Variants in CYBRD1 observed in about 807,000 individuals in gnomAD.
CYBRD1 encodes the protein plasma membrane ascorbate-dependent reductase CYBRD1.
In CYBRD1, 14 loss-of-function variants were observed where a neutral mutation model predicts 21.9. The observed-to-expected ratio is 0.64, with a 90% CI of 0.42 to 1.00. The LOEUF (loss-of-function observed/expected upper bound fraction) is 1.00, where lower values mean the gene tolerates loss of function less well. Among genes scored for constraint, CYBRD1 ranks in the 50% least tolerant of loss-of-function variants. The pLI is 0.00. For missense variants in CYBRD1, 328 were observed against 352.5 expected (o/e 0.93, Z 0.56); for synonymous variants, 146 against 136.5 (o/e 1.07, Z -0.48).
At position 171,522,659 on chromosome 2, in the gene CYBRD1, T is replaced by G; in HGVS notation, c.114T>G (p.Leu38=). ...GGGTCCTCCACTACCGAGAGGGGCTTGGCTGGGATGGGAGCGCACTAGAGT... is the reference window on the plus strand; with the variant it reads ...GGGTCCTCCACTACCGAGAGGGGCTGGGCTGGGATGGGAGCGCACTAGAGT... ...LVWVLHYREG[L]GWDGSALEFN... is the part of the protein sequence containing the mutation. The change falls in exon 1 of 4, where the codon CTT becomes CTG. Residue 38 remains leucine, a synonymous_variant. Coordinates refer to ENST00000321348, the MANE Select transcript of CYBRD1 (RefSeq NM_024843.4). This position sits in a 1 kb window ranked among gnomAD's most constrained non-coding sequence, Gnocchi z 4.3. 1 of 1,613,240 alleles carries G rather than the reference T, an allele frequency of 6.2e-7. No homozygotes were observed.
chr2:171,542,512 C>T (rs1273457389), intron 2 of CYBRD1, among the ~76,000 whole-genome samples: 1 of 151,494 alleles, frequency 6.6e-6, no homozygotes, highest in Admixed American at 6.6e-5. Flanking sequence ...AGAGAGAGAT[C>T]GAGAGAGAGA....
At chr2:171,523,667 T>G (rs894542517) in intron 1 of CYBRD1, among the ~76,000 whole-genome samples, 2 of 152,142 alleles carry the variant, frequency 1.3e-5, no homozygotes, top group Non-Finnish European at 2.9e-5. Context: ...TTCTCTGGGC[T>G]GAGGCTGGCG....
rs145904932 is a variant in CYBRD1, at chr2:171,544,850, C to T, written c.402+3057C>T. Among the ~76,000 whole-genome samples the T allele has an allele frequency of 1.1e-3, 161 of 152,200 alleles. 1 individual carries two copies. Among genetic ancestry groups the T allele is most frequent in the African/African-American group, 3.8e-3 (156 of 41,528 alleles). ...GAGAAGTAGAGAGAAAAATCTTTGA[C>T]TTTTGGGGCCAGGCACAGTGGCTCA... is the stretch of plus-strand genomic sequence containing the variant. On this transcript the variant is annotated intron_variant, in intron 2 of 3. Coordinates refer to ENST00000321348, the MANE Select transcript of CYBRD1 (RefSeq NM_024843.4).
At chr2:171,548,312 A>G (rs1697748110) in intron 2 of CYBRD1, among the ~76,000 whole-genome samples, 1 of 152,180 alleles carries the variant, frequency 6.6e-6, no homozygotes, top group African/African-American at 2.4e-5. Flanking sequence ...GGGCCCAACA[A>G]TCTGTGCTTT....
At chr2:171,542,303 T>C (rs1175803227) in intron 2 of CYBRD1, among the ~76,000 whole-genome samples, 1 of 152,214 alleles carries the variant, frequency 6.6e-6, no homozygotes, top group Non-Finnish European at 1.5e-5. Flanking sequence ...ACTTTTAATC[T>C]GGATTCTCTA....
At position 171,526,785 on chromosome 2, in the gene CYBRD1, T is replaced by C. The variant is rs544286807; in HGVS notation, c.193+4047T>C. Among the ~76,000 whole-genome samples, 125 of 152,310 alleles carry C rather than the reference T, an allele frequency of 8.2e-4. 2 individuals carry two copies. Among genetic ancestry groups the C allele is most frequent in the South Asian group, 5.8e-3 (28 of 4,828 alleles). ...GTGGAATGTGTTCTTTAGTGAAAGG[T>C]AGAAAATTCGGGTGTCTACATTTAG... On this transcript the variant is annotated intron_variant, in intron 1 of 3. Coordinates refer to ENST00000321348, the MANE Select transcript of CYBRD1 (RefSeq NM_024843.4).
At chr2:171,541,490 T>A in intron 1 of CYBRD1, 95 bp from the exon 2 acceptor site, 1 of 1,253,010 alleles carries the variant, frequency 8.0e-7, no homozygotes, top group Non-Finnish European at 1.2e-6. Context: ...GGAAAAAGGT[T>A]TCAAAAAGGG....
Position 171,522,860 on chromosome 2 carries a change from G to C in CYBRD1, c.193+122G>C, listed in dbSNP as rs1697328875. ...GGAGGATCGCGGGGCCCGGAGGAGTGCGGTGAGGAGCGCGCGGGAAGCCAA... is the reference window on the plus strand; with the variant it reads ...GGAGGATCGCGGGGCCCGGAGGAGTCCGGTGAGGAGCGCGCGGGAAGCCAA... On this transcript the variant is annotated intron_variant, in intron 1 of 3. Coordinates refer to ENST00000321348, the MANE Select transcript of CYBRD1 (RefSeq NM_024843.4). The surrounding 1 kb of genome is among the most constrained non-coding windows in gnomAD (Gnocchi z 4.3). The C allele has an allele frequency of 6.8e-7, 1 of 1,468,434 alleles. No homozygotes were observed. The highest frequency in any genetic ancestry group is 1.3e-5 in the South Asian group (1 of 76,752). The allele number at this position is 1,468,434 out of a possible 1,614,324, so 91.0% of individuals were successfully genotyped here.
intron 1 of CYBRD1, among the ~76,000 whole-genome samples, chr2:171,539,439 G>T (rs77090633): frequency 7.2e-4 from 110 of 152,214 alleles, no homozygotes; most frequent in African/African-American, 2.4e-3. Context: ...AGCTGTGATC[G>T]CAACACTACA....
At chr2:171,547,277 G>C (rs1316115959) in intron 2 of CYBRD1, among the ~76,000 whole-genome samples, 1 of 152,100 alleles carries the variant, frequency 6.6e-6, no homozygotes, top group East Asian at 1.9e-4. Context: ...GCAATTTCCT[G>C]GCTTCCTTCC....
In CYBRD1 at chr2:171,557,151, T is replaced by A. The variant is rs1683503449; in HGVS notation, c.*2324T>A. The stretch of plus-strand genomic sequence containing the variant: ...GAAAACAACGTATATAAAATATATC[T>A]AGAAAACCTTTGTTTGAGACTCTTA... On this transcript the variant is annotated 3_prime_UTR_variant, in exon 4 of 4. Transcript: ENST00000321348. 1 of 152,608 alleles carries A rather than the reference T, an allele frequency of 6.6e-6. No homozygotes were observed. The highest frequency in any genetic ancestry group is 2.4e-5 in the African/African-American group (1 of 41,448). 9.5% of individuals were successfully genotyped at this position (152,608 alleles called of 1,614,324 possible).
At chr2:171,548,233 C>T (rs1278967749) in intron 2 of CYBRD1, among the ~76,000 whole-genome samples, 1 of 152,070 alleles carries the variant, frequency 6.6e-6, no homozygotes, top group Non-Finnish European at 1.5e-5. Flanking sequence ...GCATTAGCAT[C>T]ACTAGGGAAA....
chr2:171,530,700 A>G (rs1052754805), intron 1 of CYBRD1, among the ~76,000 whole-genome samples: 2 of 152,192 alleles, frequency 1.3e-5, no homozygotes, highest in African/African-American at 4.8e-5. Flanking sequence ...GTTCAAACAA[A>G]AAGTAAACCA....
chr2:171,547,376 G>A (rs893004119), intron 2 of CYBRD1, among the ~76,000 whole-genome samples: 2 of 151,930 alleles, frequency 1.3e-5, no homozygotes, highest in Non-Finnish European at 2.9e-5. Context: ...TGAGAGGGGA[G>A]GAGACAGAGA....
intron 1 of CYBRD1, among the ~76,000 whole-genome samples, chr2:171,537,886 G>A (rs1697568444): frequency 6.6e-6 from 1 of 152,170 alleles, no homozygotes; most frequent in African/African-American, 2.4e-5. Flanking sequence ...AGTTTGAGGT[G>A]ATAAATATGC....
upstream of CYBRD1, chr2:171,522,246 T>G (rs778664683): frequency 3.4e-5 from 52 of 1,550,028 alleles, 1 homozygote; most frequent in Middle Eastern, 6.7e-4. This position sits in a 1 kb window ranked among gnomAD's most constrained non-coding sequence, Gnocchi z 4.3. Flanking sequence ...TAACTAGGTC[T>G]GTTACTGAAG....
intron 1 of CYBRD1, among the ~76,000 whole-genome samples, chr2:171,528,181 G>A (rs1697411834): frequency 6.6e-6 from 1 of 152,036 alleles, no homozygotes; most frequent in East Asian, 1.9e-4. Flanking sequence ...TGCCTCCCGG[G>A]TTCAAGCGAT....
chr2:171,542,804 C>A (rs1697654733), intron 2 of CYBRD1, among the ~76,000 whole-genome samples: 1 of 152,052 alleles, frequency 6.6e-6, no homozygotes, highest in Non-Finnish European at 1.5e-5. Context: ...TCCCTTGAGA[C>A]CAGGAGGCAG....
intron 2 of CYBRD1, among the ~76,000 whole-genome samples, chr2:171,544,756 G>C (rs1337394832): frequency 6.6e-6 from 1 of 152,138 alleles, no homozygotes; most frequent in Non-Finnish European, 1.5e-5. Flanking sequence ...ATCCTAGCCA[G>C]TGCAGTACAG....
Sources: gnomAD v4.1 joint callset for allele counts (sites outside exome capture counted in the v4.1 genomes callset) on GRCh38, gnomAD v4.1.1 for gene constraint, Gnocchi (gnomAD v3.1) non-coding constraint, MANE v1.5 for transcripts, NCBI Gene and HGNC (gene_info 2026-07-23, HGNC 2026-07-21) for gene names.